THSD4: variants seen among roughly 807,000 people sequenced by gnomAD.
THSD4 encodes thrombospondin type 1 domain containing 4, also known as thrombospondin type-1 domain-containing protein 4.
THSD4 carries 69 observed loss-of-function variants against 119.0 expected under a neutral mutation model. The observed-to-expected ratio is 0.58, with a 90% CI of 0.48 to 0.71. The LOEUF is 0.71. Ranked by LOEUF, THSD4 falls within the 30% of genes least tolerant of loss-of-function variation. The probability of loss-of-function intolerance (pLI) is 0.00; values close to 1 mark genes in which losing one functional copy is unlikely to be tolerated. For missense variants in THSD4, 1,393 were observed against 1,391.1 expected, an observed-to-expected ratio of 1.00 and a Z score of -0.02; for synonymous variants, 524 against 540.4, an observed-to-expected ratio of 0.97 and a Z score of 0.42.
chr15:71,672,369 G>C (rs2051549985), intron 8 of THSD4, among the ~76,000 whole-genome samples: 1 of 152,222 alleles, frequency 6.6e-6, no homozygotes, highest in South Asian at 2.1e-4. Context: ...TTGTTTATCA[G>C]CTTAAGGAGA....
chr15:71,580,917 TA>T (rs1308410471), intron 7 of THSD4, among the ~76,000 whole-genome samples: 1 of 152,094 alleles, frequency 6.6e-6, no homozygotes, highest in Non-Finnish European at 1.5e-5. Context: ...GTGTTATATA[TA>T]TACACACACA....
chr15:71,192,133 AC>A (rs2043677428), intron 3 of THSD4, among the ~76,000 whole-genome samples: 1 of 151,208 alleles, frequency 6.6e-6, no homozygotes, highest in African/African-American at 2.4e-5. Context: ...TGAACTCCTT[AC>A]CTTGTGATTT....
At chr15:71,503,668 C>T (rs2048146706) in intron 7 of THSD4, among the ~76,000 whole-genome samples, 1 of 152,152 alleles carries the variant, frequency 6.6e-6, no homozygotes, top group Non-Finnish European at 1.5e-5. Flanking sequence ...GCCACCACAG[C>T]CCCTAGGCTG....
intron 5 of THSD4, among the ~76,000 whole-genome samples, chr15:71,247,654 G>A (rs1211686392): frequency 2.0e-5 from 3 of 152,126 alleles, no homozygotes; most frequent in Non-Finnish European, 2.9e-5. Flanking sequence ...CAAGAAGGAG[G>A]CACTCAAGGA....
chr15:71,773,150 G>A (rs2053850708), intron 17 of THSD4, among the ~76,000 whole-genome samples: 2 of 141,608 alleles, frequency 1.4e-5, no homozygotes, highest in Admixed American at 1.5e-4. Context: ...GCAGTGAGGT[G>A]CAATCGCACC....
chr15:71,404,981 C>T (rs931022388), intron 6 of THSD4, among the ~76,000 whole-genome samples: 8 of 152,026 alleles, frequency 5.3e-5, no homozygotes, highest in African/African-American at 1.7e-4. Flanking sequence ...CTCTGCCTCC[C>T]GGGTTCAAGC....
intron 7 of THSD4, among the ~76,000 whole-genome samples, chr15:71,553,118 C>A (rs568958981): frequency 1.3e-5 from 2 of 152,084 alleles, no homozygotes; most frequent in South Asian, 4.2e-4. Flanking sequence ...CATTTATAAA[C>A]GTAAGGGTAT....
chr15:71,379,234 T>C (rs994299428), intron 6 of THSD4, among the ~76,000 whole-genome samples: 1 of 150,892 alleles, frequency 6.6e-6, no homozygotes, highest in African/African-American at 2.4e-5. Flanking sequence ...AGCTGTTGGT[T>C]ACAGAGAACA....
At chr15:71,575,203 G>A (rs2049427383) in intron 7 of THSD4, among the ~76,000 whole-genome samples, 1 of 151,938 alleles carries the variant, frequency 6.6e-6, no homozygotes. Flanking sequence ...TTGTAACTTA[G>A]GAAGCCAATG....
chr15:71,372,090 A>G (rs879264647), intron 6 of THSD4, among the ~76,000 whole-genome samples: 1 of 152,194 alleles, frequency 6.6e-6, no homozygotes, highest in Non-Finnish European at 1.5e-5. Flanking sequence ...AAGCTTGTGC[A>G]TTCGTCACGT....
chr15:71,108,893 G>A (rs1485205215), intron 1 of THSD4, among the ~76,000 whole-genome samples: 2 of 152,206 alleles, frequency 1.3e-5, no homozygotes, highest in Non-Finnish European at 2.9e-5. Context: ...TCAGGAGGCT[G>A]AGGCAGGAGA....
upstream of THSD4, chr15:71,113,652 T>G (rs1365071647): frequency 6.6e-6 from 1 of 152,196 alleles, no homozygotes; most frequent in Non-Finnish European, 1.5e-5. Flanking sequence ...TGGTATGGTT[T>G]TCTGACTATA....
intron 7 of THSD4, among the ~76,000 whole-genome samples, chr15:71,586,636 G>T (rs2049676337): frequency 1.3e-5 from 2 of 152,102 alleles, no homozygotes; most frequent in Non-Finnish European, 2.9e-5. Flanking sequence ...AAAACTATCT[G>T]CTTTTAATCA....
intron 6 of THSD4, among the ~76,000 whole-genome samples, chr15:71,288,717 T>G (rs753137015): frequency 6.6e-6 from 1 of 152,180 alleles, no homozygotes; most frequent in Non-Finnish European, 1.5e-5. Context: ...TTCAGTAAAT[T>G]TCCGTATCTT....
intron 7 of THSD4, among the ~76,000 whole-genome samples, chr15:71,531,159 G>T (rs1445269367): frequency 6.6e-6 from 1 of 152,156 alleles, no homozygotes; most frequent in African/African-American, 2.4e-5. Context: ...ATAAGGAAGG[G>T]GCTGGGGAGT....
intron 17 of THSD4, among the ~76,000 whole-genome samples, chr15:71,773,200 C>CAAAAA (rs5813665): frequency 5.9e-4 from 31 of 52,680 alleles, no homozygotes; most frequent in South Asian, 1.9e-3. Flanking sequence ...GACCATGTCT[C>CAAAAA]AAAAAAAAAA....
chr15:71,358,687 T>C (rs1245314166), intron 6 of THSD4, among the ~76,000 whole-genome samples: 2 of 152,248 alleles, frequency 1.3e-5, no homozygotes, highest in Non-Finnish European at 2.9e-5. Context: ...GTAATACACG[T>C]AAAGTGCCTA....
intron 4 of THSD4, among the ~76,000 whole-genome samples, chr15:71,215,999 T>C (rs757576824): frequency 9.9e-5 from 15 of 152,276 alleles, no homozygotes; most frequent in Middle Eastern, 3.4e-3. Context: ...AGAAATGGCA[T>C]AGTGTCATCA....
At chr15:71,470,330 T>G (rs1402993643) in intron 7 of THSD4, among the ~76,000 whole-genome samples, 2 of 152,204 alleles carry the variant, frequency 1.3e-5, no homozygotes, top group Admixed American at 6.5e-5. Flanking sequence ...AAATTGAGAA[T>G]TTTTGTTTCT....
Sources: allele counts gnomAD v4.1 joint callset (sites outside exome capture counted in the v4.1 genomes callset), GRCh38; gene constraint gnomAD v4.1.1; transcripts MANE v1.5; gene names NCBI Gene and HGNC (gene_info 2026-07-23, HGNC 2026-07-21).